Variants in KIAA0930 observed in about 807,000 individuals in gnomAD.
KIAA0930 encodes the protein KIAA0930.
KIAA0930 carries 24 observed loss-of-function variants against 43.9 expected under a neutral mutation model. That is an observed-to-expected ratio of 0.55 (90% CI 0.40 to 0.77). The LOEUF (loss-of-function observed/expected upper bound fraction) is 0.77, where lower values mean the gene tolerates loss of function less well. Among genes scored for constraint, KIAA0930 ranks in the 30% least tolerant of loss-of-function variants. The pLI is 0.00. For missense variants in KIAA0930, 461 were observed against 574.2 expected (o/e 0.80, Z 2.02); for synonymous variants, 259 against 216.4 (o/e 1.20, Z -1.73).
chr22:45,231,459 C>T (rs777490129), intron 1 of KIAA0930, among the ~76,000 whole-genome samples: 6 of 151,980 alleles, frequency 3.9e-5, no homozygotes, highest in Non-Finnish European at 5.9e-5. Flanking sequence ...CTTGTCCCAG[C>T]GATGTGTGTG....
rs2083529105 is a variant in KIAA0930 at position 45,195,626 on chromosome 22, A to T, written c.*1550T>A. 1 of 152,256 alleles carries T rather than the reference A, an allele frequency of 6.6e-6. No individual in the cohort carries two copies. 9.4% of individuals were successfully genotyped at this position (152,256 alleles called of 1,614,324 possible). On this transcript the variant is annotated 3_prime_UTR_variant, in exon 10 of 10. Transcript: ENST00000336156. ...CTGCTGGGGGAGAGAGAAAGTTCACATCCCCCCACCAAGCACGGTCTCAGA... is the reference window on the plus strand; with the variant it reads ...CTGCTGGGGGAGAGAGAAAGTTCACTTCCCCCCACCAAGCACGGTCTCAGA...
At chr22:45,226,212 T>C (rs1481399652) in intron 1 of KIAA0930, 2 of 470,532 alleles carry the variant, frequency 4.3e-6, no homozygotes, top group African/African-American at 4.0e-5. Flanking sequence ...CACAACGCTG[T>C]GAAATCCTCG....
intron 1 of KIAA0930, among the ~76,000 whole-genome samples, chr22:45,218,559 C>T (rs1466383460): frequency 6.6e-6 from 1 of 151,850 alleles, no homozygotes; most frequent in African/African-American, 2.4e-5. Context: ...TGGGGACCAC[C>T]TCAGCTTAGT....
chr22:45,200,477 A>T (rs1376477839), intron 7 of KIAA0930, among the ~76,000 whole-genome samples: 2 of 152,014 alleles, frequency 1.3e-5, no homozygotes, highest in African/African-American at 4.8e-5. Context: ...AGGGACCGAG[A>T]CCCTGGCTTG....
Position 45,197,905 on chromosome 22 carries a change from C to T in KIAA0930, c.1059G>A (p.Ser353=), listed in dbSNP as rs374871282. 5.2e-5 allele frequency: 84 copies of T among 1,614,164 alleles called. No homozygotes were observed. The South Asian group carries it at 6.1e-4, about 12-fold the overall frequency. The change falls in exon 9 of 10, where the codon TCG becomes TCA. Residue 353 remains serine (S), a synonymous_variant. Transcript: ENST00000336156. ...NATNLRSRSL[S]GTGRSLVGSW... ...ACCCGACCAGGGACCGTCCTGTGCCCGACAGGGACCGAGACCGCAGGTTGG... is the reference window on the plus strand; with the variant it reads ...ACCCGACCAGGGACCGTCCTGTGCCTGACAGGGACCGAGACCGCAGGTTGG...
chr22:45,206,027 AT>A, intron 2 of KIAA0930, 115 bp from the exon 3 acceptor site: 6 of 1,513,620 alleles, frequency 4.0e-6, no homozygotes, highest in Non-Finnish European at 5.3e-6. Flanking sequence ...TTTTCTTACT[AT>A]TTTTTGAGAC....
At chr22:45,232,189 G>C (rs2083858162) in intron 1 of KIAA0930, among the ~76,000 whole-genome samples, 1 of 152,204 alleles carries the variant, frequency 6.6e-6, no homozygotes, top group African/African-American at 2.4e-5. Context: ...CTTCTGCTCA[G>C]CACTGCTGTG....
intron 1 of KIAA0930, chr22:45,213,347 G>C: frequency 7.7e-7 from 1 of 1,303,692 alleles, no homozygotes; most frequent in Non-Finnish European, 1.0e-6. Flanking sequence ...CCTGGCTCCT[G>C]GGCTCTAGGG....
At chr22:45,232,115 C>T (rs1400777463) in intron 1 of KIAA0930, among the ~76,000 whole-genome samples, 2 of 152,144 alleles carry the variant, frequency 1.3e-5, no homozygotes, top group Non-Finnish European at 1.5e-5. Flanking sequence ...GCCACCTCAC[C>T]CCAGGTCCAC....
At chr22:45,203,684 C>T (rs2083610072) in intron 6 of KIAA0930, among the ~76,000 whole-genome samples, 161 bp downstream of exon 6, 1 of 152,140 alleles carries the variant, frequency 6.6e-6, no homozygotes, top group Non-Finnish European at 1.5e-5. Context: ...GTTAAGAGGA[C>T]CAGGGAGCGC....
chr22:45,234,592 G>A (rs771154045), intron 1 of KIAA0930, among the ~76,000 whole-genome samples: 10 of 152,220 alleles, frequency 6.6e-5, no homozygotes, highest in Admixed American at 2.6e-4. Context: ...GGGTCACACA[G>A]CAGCCTCCAA....
At position 45,203,086 on chromosome 22, in the gene KIAA0930, G is replaced by A. The variant is rs1358407869; in HGVS notation, c.756C>T (p.Gly252=). The part of the protein sequence containing the change: ...FVRMKGPQGK[G]HAEMAVSRVS... Reference sequence around the variant, plus strand: ...CTCGGCTGACCGCCATCTCGGCGTGGCCCTTGCCCTGGGGGCCCTTCATGC... The same window carrying A: ...CTCGGCTGACCGCCATCTCGGCGTGACCCTTGCCCTGGGGGCCCTTCATGC... Residue 252 remains glycine, a synonymous_variant, in exon 7 of 10, where the codon GGC becomes GGT. Coordinates refer to ENST00000336156, the MANE Select transcript of KIAA0930 (RefSeq NM_001009880.2). 1 of 1,613,800 alleles carries A rather than the reference G, an allele frequency of 6.2e-7. No individual in the cohort carries two copies. The highest frequency in any genetic ancestry group is 1.1e-5 in the South Asian group (1 of 91,048).
intron 1 of KIAA0930, chr22:45,213,227 A>G (rs1291756421): frequency 9.4e-7 from 1 of 1,058,948 alleles, no homozygotes; most frequent in African/African-American, 1.6e-5. Context: ...CTAACCAAAG[A>G]ACCAGGACTC....
rs2083517478 is a variant in KIAA0930 at position 45,194,339 on chromosome 22, T to A, written c.*2837A>T. 6.6e-6 allele frequency: 1 copy of A among 151,988 alleles called. No homozygotes were observed. The highest frequency in any genetic ancestry group is 2.4e-5 in the African/African-American group (1 of 41,338). The allele number at this position is 151,988 out of a possible 1,614,324, so 9.4% of individuals were successfully genotyped here. A position where few individuals can be genotyped will look rare whatever the true frequency, so the allele number is the denominator to read the frequency against. On this transcript the variant is annotated 3_prime_UTR_variant, in exon 10 of 10. Transcript: ENST00000336156. Reference sequence around the variant, plus strand: ...ATCCACCCATCTCAGCCTCCCAAAGTGCTGGGATTACAGGCGTGAGCCACT... The same window carrying A: ...ATCCACCCATCTCAGCCTCCCAAAGAGCTGGGATTACAGGCGTGAGCCACT...
At chr22:45,215,308 A>C (rs1326908633) in intron 1 of KIAA0930, among the ~76,000 whole-genome samples, 2 of 152,246 alleles carry the variant, frequency 1.3e-5, no homozygotes, top group East Asian at 3.8e-4. Context: ...ATATGCCAAT[A>C]AAATTGTTAA....
intron 1 of KIAA0930, chr22:45,212,434 C>T (rs1255874145): frequency 3.1e-5 from 47 of 1,494,848 alleles, no homozygotes; most frequent in Middle Eastern, 2.3e-4. Flanking sequence ...CCAGGAACGC[C>T]ACTGGCTGGC....
intron 1 of KIAA0930, among the ~76,000 whole-genome samples, chr22:45,214,241 T>C (rs560015942): frequency 3.3e-5 from 5 of 152,182 alleles, no homozygotes; most frequent in African/African-American, 1.2e-4. Context: ...GAGTTATACA[T>C]ATACTTACAA....
chr22:45,227,688 C>T (rs1169301855), intron 1 of KIAA0930, among the ~76,000 whole-genome samples: 1 of 152,212 alleles, frequency 6.6e-6, no homozygotes, highest in African/African-American at 2.4e-5. Context: ...GTAAAGGGGA[C>T]TGCAGTGGTT....
intron 7 of KIAA0930, 57 bp from the exon 8 acceptor site, chr22:45,200,092 C>T (rs918456816): frequency 3.3e-6 from 5 of 1,496,206 alleles, no homozygotes; most frequent in Middle Eastern, 2.4e-4. Flanking sequence ...CCCCGGGGGT[C>T]CCAACGCCCC....
Sources: allele counts gnomAD v4.1 joint callset (sites outside exome capture counted in the v4.1 genomes callset), GRCh38; gene constraint gnomAD v4.1.1; transcripts MANE v1.5; gene names NCBI Gene and HGNC (gene_info 2026-07-23, HGNC 2026-07-21).